CSMD2: variants seen among roughly 807,000 people sequenced by gnomAD.
CSMD2 encodes CUB and Sushi multiple domains 2.
CSMD2 carries 130 observed loss-of-function variants against 398.5 expected under a neutral mutation model. The observed-to-expected ratio is 0.33, with a 90% CI of 0.28 to 0.38. CSMD2 has a LOEUF of 0.38. Ranked by LOEUF, CSMD2 falls within the 10% of genes least tolerant of loss-of-function variation. CSMD2 has a pLI of 1.00. For missense variants in CSMD2, 3,829 were observed against 4,764.9 expected (o/e 0.80, Z 5.78); for synonymous variants, 1,828 against 1,908.5 (o/e 0.96, Z 1.10).
rs544767005 is a variant in CSMD2, at chr1:33,584,407, C to G, written c.7052-577G>C. ...ATATTACATGCTGGGTGCGGAGGCT[C>G]ATGCCTGTAATCCCAGCGCTGTGGG... On this transcript the variant is annotated intron_variant, in intron 46 of 70. Transcript: ENST00000373381. Among the ~76,000 whole-genome samples the G allele has an allele frequency of 1.8e-3, 274 of 152,264 alleles. 1 individual carries two copies. Among genetic ancestry groups the G allele is most frequent in the African/African-American group, 6.3e-3 (261 of 41,556 alleles).
intron 5 of CSMD2, among the ~76,000 whole-genome samples, chr1:33,879,174 T>C (rs534074075): frequency 3.3e-5 from 5 of 152,290 alleles, no homozygotes; most frequent in East Asian, 3.9e-4. Flanking sequence ...CCAGTGACAA[T>C]TGTCTCCAGC....
intron 3 of CSMD2, among the ~76,000 whole-genome samples, chr1:34,004,692 C>T (rs961973248): frequency 1.3e-5 from 2 of 152,092 alleles, no homozygotes; most frequent in Non-Finnish European, 1.5e-5. Context: ...GGAGGGAGTA[C>T]ATCTTGCAAT....
At chr1:33,654,990 T>C (rs528992818) in intron 27 of CSMD2, among the ~76,000 whole-genome samples, 1 of 152,400 alleles carries the variant, frequency 6.6e-6, no homozygotes, top group South Asian at 2.1e-4. Context: ...GCATCGGGCA[T>C]GGGCTTCCCT....
intron 12 of CSMD2, among the ~76,000 whole-genome samples, chr1:33,780,530 T>C (rs1652601692): frequency 6.6e-6 from 1 of 152,222 alleles, no homozygotes; most frequent in Admixed American, 6.5e-5. Context: ...CAAAGGAGGC[T>C]GGAAACAAAG....
chr1:33,850,824 T>TA lies in CSMD2; in HGVS notation c.921-3829dup, dbSNP rs201567427. On this transcript the variant is annotated intron_variant, in intron 5 of 70. Transcript: ENST00000373381. ...TAATGGAATCTGGCTTGGGAAGAAT[T>TA]AAAAAAAAATCACTCCCTGTAATGC... 1.5e-3 allele frequency among the ~76,000 whole-genome samples: 232 copies of TA among 151,504 alleles called. 1 individual carries two copies. The highest frequency in any genetic ancestry group is 0.01 in the Middle Eastern group (3 of 292).
intron 31 of CSMD2, among the ~76,000 whole-genome samples, chr1:33,634,003 C>A (rs1038612984): frequency 6.6e-6 from 1 of 152,162 alleles, no homozygotes; most frequent in African/African-American, 2.4e-5. Context: ...GCTGTGAGCT[C>A]CTTATCACTG....
At chr1:33,577,580 C>T in intron 48 of CSMD2, 96 bp from the exon 49 acceptor site, 3 of 1,108,234 alleles carry the variant, frequency 2.7e-6, no homozygotes, top group East Asian at 5.3e-5. Flanking sequence ...CCCCCCCATC[C>T]CCTTGTCTTT....
chr1:34,093,195 A>G (rs76208239), intron 1 of CSMD2, among the ~76,000 whole-genome samples: 35,241 of 151,706 alleles, frequency 0.23, 4,653 homozygotes, highest in Admixed American at 0.33. Context: ...GCAGCTGAGG[A>G]TCCTGTCTGT....
chr1:33,611,654 A>G (rs1233171702), intron 40 of CSMD2, among the ~76,000 whole-genome samples: 3 of 152,212 alleles, frequency 2.0e-5, no homozygotes, highest in East Asian at 1.9e-4. Flanking sequence ...AAGACCTTCA[A>G]TACTGCTGTT....
intron 29 of CSMD2, among the ~76,000 whole-genome samples, chr1:33,644,873 G>C (rs1443490444): frequency 6.6e-6 from 1 of 152,070 alleles, no homozygotes; most frequent in East Asian, 1.9e-4. Flanking sequence ...GAGGAAGAAA[G>C]GATGGCAGAA....
At chr1:34,072,143 TG>T (rs1245224252) in intron 2 of CSMD2, among the ~76,000 whole-genome samples, 2 of 152,238 alleles carry the variant, frequency 1.3e-5, no homozygotes, top group Admixed American at 1.3e-4. Context: ...TCACTGTTTA[TG>T]GGTAGTTGTG....
intron 10 of CSMD2, among the ~76,000 whole-genome samples, chr1:33,799,666 T>C (rs1655365020): frequency 6.6e-6 from 1 of 152,138 alleles, no homozygotes; most frequent in South Asian, 2.1e-4. Context: ...CTCATCTTTC[T>C]CCTTGCTTTT....
In CSMD2 at chr1:33,559,242, C is replaced by T. The variant is rs1157166460; in HGVS notation, c.8554+58G>A. On this transcript the variant is annotated intron_variant, in intron 54 of 70. Coordinates refer to ENST00000373381, the MANE Select transcript of CSMD2 (RefSeq NM_001281956.2). The surrounding 1 kb of genome is among the most constrained non-coding windows in gnomAD (Gnocchi z 4.0). ...TTCACTGGCTTCTTTTTCTGAGCTA[C>T]AGAACCACATATAGCAGAGATGGTG... The T allele has an allele frequency of 1.2e-5, 18 of 1,455,878 alleles. No homozygotes were observed. The highest frequency in any genetic ancestry group is 1.7e-5 in the Non-Finnish European group (18 of 1,084,070). The allele number at this position is 1,455,878 out of a possible 1,614,324, so 90.2% of individuals were successfully genotyped here.
chr1:33,627,093 A>G (rs1642173907), intron 32 of CSMD2, among the ~76,000 whole-genome samples: 1 of 152,194 alleles, frequency 6.6e-6, no homozygotes, highest in Non-Finnish European at 1.5e-5. Context: ...CTGTGAAATG[A>G]TTACCAGAGC....
chr1:33,828,760 T>C (rs1659115967), intron 6 of CSMD2, among the ~76,000 whole-genome samples: 1 of 152,182 alleles, frequency 6.6e-6, no homozygotes, highest in Non-Finnish European at 1.5e-5. Flanking sequence ...CCTTCTGATT[T>C]CTGTGTCCAC....
At chr1:33,915,660 T>C (rs902645964) in intron 5 of CSMD2, among the ~76,000 whole-genome samples, 5 of 152,118 alleles carry the variant, frequency 3.3e-5, no homozygotes, top group African/African-American at 9.7e-5. Flanking sequence ...GATAAACAAG[T>C]GAGTCGAAAA....
intron 3 of CSMD2, among the ~76,000 whole-genome samples, chr1:34,021,280 T>TC (rs1187738176): frequency 6.6e-6 from 1 of 152,110 alleles, no homozygotes; most frequent in East Asian, 1.9e-4. Context: ...AAGGCATGCA[T>TC]CCCCTAAACC....
At position 33,548,886 on chromosome 1, in the gene CSMD2, A is replaced by G. The variant is rs1277888535; in HGVS notation, c.8917+1291T>C. ...TGTCCAAACAGAAAGAAGCCAGGGC[A>G]CAGTTAATAGGCCTTCCTCTAGCCC... is the stretch of plus-strand genomic sequence containing the variant. On this transcript the variant is annotated intron_variant, in intron 56 of 70. Coordinates refer to ENST00000373381, the MANE Select transcript of CSMD2 (RefSeq NM_001281956.2). Among the ~76,000 whole-genome samples the G allele has an allele frequency of 1.3e-5, 2 of 152,222 alleles. 1 individual carries two copies. Among genetic ancestry groups the G allele is most frequent in the Non-Finnish European group, 2.9e-5 (2 of 68,028 alleles).
At chr1:34,090,737 G>T (rs1027292484) in intron 1 of CSMD2, among the ~76,000 whole-genome samples, 1 of 152,168 alleles carries the variant, frequency 6.6e-6, no homozygotes, top group Non-Finnish European at 1.5e-5. Context: ...CATTTGCTCT[G>T]GTCCTTGCCA....
Sources: allele counts gnomAD v4.1 joint callset (sites outside exome capture counted in the v4.1 genomes callset), GRCh38; gene constraint gnomAD v4.1.1; non-coding constraint Gnocchi (gnomAD v3.1); transcripts MANE v1.5; gene names NCBI Gene and HGNC (gene_info 2026-07-23, HGNC 2026-07-21).